The following HMGCLL1 variants were observed in gnomAD, a reference collection of about 807,000 sequenced individuals.
HMGCLL1 encodes 3-hydroxy-3-methylglutaryl-CoA lyase like 1.
Under a neutral mutation model 39.1 loss-of-function variants are expected in HMGCLL1, and 36 were observed. The observed-to-expected ratio is 0.92, with a 90% CI of 0.71 to 1.22. The LOEUF (loss-of-function observed/expected upper bound fraction) is 1.22. Among genes scored for constraint, HMGCLL1 ranks in the 50% most tolerant of loss-of-function variants. The probability of loss-of-function intolerance (pLI) is 0.00; values close to 1 mark genes in which losing one functional copy is unlikely to be tolerated. For synonymous variants in HMGCLL1, 149 were observed against 144.0 expected, an observed-to-expected ratio of 1.03 and a Z score of -0.25; for missense variants, 451 against 416.5, an observed-to-expected ratio of 1.08 and a Z score of -0.72.
At chr6:55,577,744 A>T (rs1771829772) in intron 1 of HMGCLL1, among the ~76,000 whole-genome samples, 1 of 152,236 alleles carries the variant, frequency 6.6e-6, no homozygotes, top group Non-Finnish European at 1.5e-5. Flanking sequence ...GACTGAATTT[A>T]AAAAGTCAAG....
chr6:55,661,573 A>G, the HMGCLL1 span, among the ~76,000 whole-genome samples: 1 of 151,638 alleles, frequency 6.6e-6, no homozygotes, highest in African/African-American at 2.4e-5. Flanking sequence ...TGGTATGTGT[A>G]TCTGTTTTTG....
the HMGCLL1 span, among the ~76,000 whole-genome samples, chr6:55,650,084 CATATACATATATATATATATATATAT>C: frequency 2.1e-5 from 1 of 48,070 alleles, no homozygotes. Flanking sequence ...TATACACACA[CATATACATATATATATATATATATAT>C]ATATATATAT....
At chr6:55,539,918 GAAAA>G (rs1769265935) in intron 3 of HMGCLL1, among the ~76,000 whole-genome samples, 1 of 126,086 alleles carries the variant, frequency 7.9e-6, no homozygotes, top group Non-Finnish European at 1.7e-5. Context: ...AAGAAAGAAA[GAAAA>G]GGAGGATGAG....
intron 7 of HMGCLL1, among the ~76,000 whole-genome samples, chr6:55,487,897 G>T (rs536527774): frequency 1.3e-4 from 20 of 151,970 alleles, no homozygotes; most frequent in Admixed American, 1.2e-3. Flanking sequence ...ATCTCCTCTG[G>T]GTTATTATGA....
chr6:55,654,710 T>C, the HMGCLL1 span, among the ~76,000 whole-genome samples: 44 of 152,056 alleles, frequency 2.9e-4, no homozygotes, highest in South Asian at 8.1e-3. Flanking sequence ...GGATAGCTCA[T>C]CTCTGAAATA....
rs1561903980 is a variant in HMGCLL1, at chr6:55,477,170, ATATATATTATATTTATATAT to A, written c.795+18229_795+18248del. On this transcript the variant is annotated intron_variant, in intron 7 of 8. Coordinates refer to ENST00000274901, the MANE Select transcript of HMGCLL1 (RefSeq NM_001042406.2). ...TATATATATTATATATTATAATATA[ATATATATTATATTTATATAT>A]TATATATTATATAATATATATTATA... Among the ~76,000 whole-genome samples the A allele has an allele frequency of 1.1e-3, 52 of 45,508 alleles. 1 individual carries two copies. Among genetic ancestry groups the A allele is most frequent in the African/African-American group, 4.4e-3 (40 of 9,180 alleles). 29.9% of individuals were successfully genotyped at this position (45,508 alleles called of 152,430 possible). A position where few individuals can be genotyped will look rare whatever the true frequency, so the allele number is the denominator to read the frequency against.
chr6:55,598,411 T>C, the HMGCLL1 span, among the ~76,000 whole-genome samples: 132 of 152,258 alleles, frequency 8.7e-4, no homozygotes, highest in Non-Finnish European at 1.6e-3. Flanking sequence ...ACAAATGAGC[T>C]CAATTGCAAT....
At chr6:55,610,065 G>A in the HMGCLL1 span, among the ~76,000 whole-genome samples, 1 of 152,148 alleles carries the variant, frequency 6.6e-6, no homozygotes, top group Non-Finnish European at 1.5e-5. Context: ...ACAAACTCAT[G>A]AAGATGAGAA....
At chr6:55,580,692 G>T (rs1581974690), upstream of HMGCLL1, among the ~76,000 whole-genome samples, 1 of 152,204 alleles carries the variant, frequency 6.6e-6, no homozygotes, top group Middle Eastern at 3.4e-3. Flanking sequence ...TGGGATTACA[G>T]GGGTCAGCCA....
chr6:55,507,368 C>G (rs1767224342), intron 5 of HMGCLL1, among the ~76,000 whole-genome samples: 1 of 151,642 alleles, frequency 6.6e-6, no homozygotes, highest in South Asian at 2.1e-4. Context: ...TCTAAGTATC[C>G]TTTGGGACAA....
chr6:55,462,928 A>G (rs1270557468), intron 7 of HMGCLL1, among the ~76,000 whole-genome samples: 1 of 152,144 alleles, frequency 6.6e-6, no homozygotes, highest in Non-Finnish European at 1.5e-5. Context: ...CATGAAAGGT[A>G]CAAGGAATCG....
At chr6:55,446,192 T>C (rs918154292) in intron 7 of HMGCLL1, among the ~76,000 whole-genome samples, 5 of 151,104 alleles carry the variant, frequency 3.3e-5, no homozygotes, top group Non-Finnish European at 1.5e-5. Flanking sequence ...GCAACTGTTA[T>C]TAGTGCTCAG....
chr6:55,576,658 TG>T (rs372345666), intron 1 of HMGCLL1, among the ~76,000 whole-genome samples: 29 of 152,108 alleles, frequency 1.9e-4, no homozygotes, highest in African/African-American at 5.1e-4. Flanking sequence ...TAAAATTGAT[TG>T]GTGCAATGAA....
At chr6:55,489,132 TA>T (rs1435673576) in intron 7 of HMGCLL1, among the ~76,000 whole-genome samples, 1 of 152,056 alleles carries the variant, frequency 6.6e-6, no homozygotes, top group Non-Finnish European at 1.5e-5. Flanking sequence ...TGTATGTGCA[TA>T]AAATTTCCTT....
the HMGCLL1 span, among the ~76,000 whole-genome samples, chr6:55,622,474 T>TA: frequency 6.6e-6 from 1 of 152,096 alleles, no homozygotes; most frequent in Non-Finnish European, 1.5e-5. Context: ...TGGTTTTTAT[T>TA]ATGAAGTATG....
chr6:55,444,717 C>G (rs955259104), intron 7 of HMGCLL1, among the ~76,000 whole-genome samples: 3 of 151,878 alleles, frequency 2.0e-5, no homozygotes, highest in Non-Finnish European at 4.4e-5. Context: ...ATGTTAATTA[C>G]CTACCTAAGT....
intron 1 of HMGCLL1, among the ~76,000 whole-genome samples, chr6:55,558,976 G>T (rs1770806731): frequency 6.6e-6 from 1 of 152,022 alleles, no homozygotes; most frequent in African/African-American, 2.4e-5. Flanking sequence ...AGCCATTTTG[G>T]GAAAGTAGGC....
intron 7 of HMGCLL1, among the ~76,000 whole-genome samples, chr6:55,441,110 T>C (rs941886912): frequency 1.3e-5 from 2 of 152,010 alleles, no homozygotes; most frequent in Admixed American, 1.3e-4. Context: ...GAAATCCAAA[T>C]ACAGCATGGG....
upstream of HMGCLL1, among the ~76,000 whole-genome samples, chr6:55,580,359 GTCT>G (rs1220345714): frequency 2.1e-5 from 3 of 145,488 alleles, no homozygotes; most frequent in Non-Finnish European, 3.0e-5. Context: ...GGAGGTCATA[GTCT>G]TCTTCTCACA....
Sources: allele counts gnomAD v4.1 joint callset (sites outside exome capture counted in the v4.1 genomes callset), GRCh38; gene constraint gnomAD v4.1.1; transcripts MANE v1.5; gene names NCBI Gene and HGNC (gene_info 2026-07-23, HGNC 2026-07-21).